Variants in PKHD1L1 observed in about 807,000 individuals in gnomAD.
PKHD1L1 encodes fibrocystin-L.
Under a neutral mutation model 462.9 loss-of-function variants are expected in PKHD1L1, and 434 were observed. The observed-to-expected ratio is 0.94, with a 90% CI of 0.87 to 1.02. The LOEUF is 1.02. Ranked by LOEUF, PKHD1L1 falls within the 50% of genes least tolerant of loss-of-function variation. The pLI is 0.00. For synonymous variants in PKHD1L1, 1,781 were observed against 1,750.0 expected (o/e 1.02, Z -0.44); for missense variants, 5,202 against 5,096.1 (o/e 1.02, Z -0.63).
In PKHD1L1 at chr8:109,531,539, T is replaced by C. The variant is rs543760367; in HGVS notation, c.*1449T>C. On this transcript the variant is annotated 3_prime_UTR_variant, in exon 78 of 78. Transcript: ENST00000378402. ...AGAAAGCATGAGGTTGCTAGCAATA[T>C]GGAGGCCTTAAGCCTTGTTCAGGAG... Among the ~76,000 whole-genome samples the C allele has an allele frequency of 2.0e-5, 3 of 151,832 alleles. No homozygotes were observed. The highest frequency in any genetic ancestry group is 4.4e-5 in the Non-Finnish European group (3 of 67,964).
intron 2 of PKHD1L1, among the ~76,000 whole-genome samples, chr8:109,380,090 G>A (rs1042275208): frequency 3.3e-5 from 5 of 152,096 alleles, no homozygotes; most frequent in Admixed American, 2.6e-4. Context: ...AATCTACAAT[G>A]GCTGATAGCA....
chr8:109,391,462 A>G (rs1480205223), intron 9 of PKHD1L1, among the ~76,000 whole-genome samples: 1 of 152,128 alleles, frequency 6.6e-6, no homozygotes, highest in Non-Finnish European at 1.5e-5. Context: ...GCATTTGCAA[A>G]TGTGTGAAGA....
Position 109,451,015 on chromosome 8 carries a change from T to C in PKHD1L1, c.6216T>C (p.Asn2072=). 6.2e-7 allele frequency: 1 copy of C among 1,613,444 alleles called. No homozygotes were observed. Among genetic ancestry groups the C allele is most frequent in the Non-Finnish European group, 8.5e-7 (1 of 1,179,508 alleles). The change falls in exon 41 of 78, where the codon AAT becomes AAC. Residue 2072 remains asparagine (N), a synonymous_variant. Coordinates refer to ENST00000378402, the MANE Select transcript of PKHD1L1 (RefSeq NM_177531.6). ...AEQACEVSVV[N]GKDLSQSMTP... Reference sequence around the variant, plus strand: ...AAGCCTGTGAAGTGAGTGTGGTTAATGGGAAAGATTTGTCACAGTCCATGA... The same window carrying C: ...AAGCCTGTGAAGTGAGTGTGGTTAACGGGAAAGATTTGTCACAGTCCATGA...
chr8:109,427,208 T>C, intron 25 of PKHD1L1, 52 bp downstream of exon 25: 2 of 1,374,584 alleles, frequency 1.5e-6, no homozygotes, highest in East Asian at 2.3e-5. Context: ...GTTTGCTTAT[T>C]TGGACCCTGC....
chr8:109,455,164 C>A (rs1816750104), intron 45 of PKHD1L1, among the ~76,000 whole-genome samples: 1 of 152,112 alleles, frequency 6.6e-6, no homozygotes, highest in African/African-American at 2.4e-5. Context: ...ATGGCAAAAC[C>A]CTGTCTCCAC....
chr8:109,447,824 T>C (rs1244702661), intron 38 of PKHD1L1, among the ~76,000 whole-genome samples: 1 of 152,216 alleles, frequency 6.6e-6, no homozygotes, highest in Non-Finnish European at 1.5e-5. Flanking sequence ...ACATTCATAC[T>C]TCCTAACTCT....
intron 2 of PKHD1L1, among the ~76,000 whole-genome samples, chr8:109,376,425 A>G (rs1056161486): frequency 6.6e-6 from 1 of 152,140 alleles, no homozygotes; most frequent in Non-Finnish European, 1.5e-5. Context: ...AGGAAAGGGA[A>G]TTCCCTGACC....
intron 67 of PKHD1L1, among the ~76,000 whole-genome samples, chr8:109,500,673 C>CAAAAAA (rs34827783): frequency 4.2e-5 from 2 of 47,190 alleles, no homozygotes; most frequent in African/African-American, 1.6e-4. Flanking sequence ...AACTCTGTCT[C>CAAAAAA]AAAAAAAAAA....
chr8:109,381,426 AGT>A lies in PKHD1L1; in HGVS notation c.224_225del (p.Val75AlafsTer12), dbSNP rs1028310361. The A allele has an allele frequency of 4.4e-6, 7 of 1,584,096 alleles. No homozygotes were observed. The highest frequency in any genetic ancestry group is 1.7e-4 in the Middle Eastern group (1 of 6,042). ...AGTTGATAACGCTGAGTTGGGAAAC[AGT>A]GTGCAATTAATTTCTTCTTTCCAGT... ...YGVDNAELGN[S>X]VQLISSFQSI... On this transcript the variant is annotated frameshift_variant, in exon 3 of 78. Coordinates refer to ENST00000378402, the MANE Select transcript of PKHD1L1 (RefSeq NM_177531.6). LOFTEE classifies it high-confidence loss of function.
intron 2 of PKHD1L1, among the ~76,000 whole-genome samples, chr8:109,377,476 C>T (rs899156190): frequency 2.0e-5 from 3 of 151,920 alleles, no homozygotes; most frequent in Non-Finnish European, 4.4e-5. Flanking sequence ...TTTGCTAGTG[C>T]AAAAGAAAAA....
At chr8:109,498,923 C>A in intron 67 of PKHD1L1, 152 bp downstream of exon 67, 1 of 685,748 alleles carries the variant, frequency 1.5e-6, no homozygotes. Context: ...ACATCAGAGT[C>A]AATTTTGAGA....
intron 67 of PKHD1L1, among the ~76,000 whole-genome samples, chr8:109,500,224 G>A (rs964546119): frequency 1.3e-5 from 2 of 152,000 alleles, no homozygotes; most frequent in African/African-American, 4.8e-5. Context: ...TTTAAGAAGA[G>A]GTTTGGTGGT....
intron 4 of PKHD1L1, among the ~76,000 whole-genome samples, chr8:109,383,137 ATTG>A (rs1812220576): frequency 2.3e-5 from 2 of 87,648 alleles, no homozygotes; most frequent in African/African-American, 4.7e-5. Flanking sequence ...TATATATATT[ATTG>A]TATATATTAT....
At position 109,507,639 on chromosome 8, in the gene PKHD1L1, G is replaced by A. The variant is rs781741349; in HGVS notation, c.10995-24G>A. 4 of 1,580,864 alleles carry A rather than the reference G, an allele frequency of 2.5e-6. No individual in the cohort carries two copies. The South Asian group carries it at 3.3e-5, about 13-fold the overall frequency. ...TATTGCTCTCTAGAAACAATGAACT[G>A]AATAATTCAACTTTTCTCCACAGTA... On this transcript the variant is annotated intron_variant, in intron 68 of 77. Transcript: ENST00000378402.
intron 22 of PKHD1L1, 70 bp downstream of exon 22, chr8:109,419,330 T>A (rs2130639981): frequency 8.4e-7 from 1 of 1,192,064 alleles, no homozygotes; most frequent in East Asian, 2.6e-5. Context: ...ATTATTTTTA[T>A]ATTCTGCAGT....
rs1813652510 is a variant in PKHD1L1, at chr8:109,408,078, G to A, written c.1843G>A (p.Val615Ile). Reference protein sequence around the residue: ...GDFDLLGYEVVEGNNVTLDIT... With the variant: ...GDFDLLGYEVIEGNNVTLDIT... ...CTTTGATCTGCTTGGTTATGAAGTAGTTGAAGGGAATAATGTCACACTGGA... is the reference window on the plus strand; with the variant it reads ...CTTTGATCTGCTTGGTTATGAAGTAATTGAAGGGAATAATGTCACACTGGA... The change falls in exon 18 of 78, where the codon GTT (valine) becomes ATT (isoleucine). Residue 615 changes from valine to isoleucine, a missense_variant. Transcript: ENST00000378402. 1.2e-6 allele frequency: 2 copies of A among 1,610,148 alleles called. No homozygotes were observed.
At chr8:109,477,586 A>G (rs1432189713) in intron 53 of PKHD1L1, among the ~76,000 whole-genome samples, 190 bp downstream of exon 53, 1 of 152,172 alleles carries the variant, frequency 6.6e-6, no homozygotes, top group Non-Finnish European at 1.5e-5. Context: ...TGTCTTAAAA[A>G]AATTATGTGT....
chr8:109,448,401 A>C lies in PKHD1L1; in HGVS notation c.6025+10A>C. ...ATTAATCCAAGCCAAGGTAGTCATA[A>C]GTATGCAAGAACCTGCAGATATTTT... On this transcript the variant is annotated intron_variant, in intron 39 of 77. Transcript: ENST00000378402. 6.3e-7 allele frequency: 1 copy of C among 1,598,262 alleles called. No homozygotes were observed. Among genetic ancestry groups the C allele is most frequent in the Non-Finnish European group, 8.5e-7 (1 of 1,171,002 alleles).
At chr8:109,470,204 A>T (rs1180121049) in intron 50 of PKHD1L1, 1 of 942,532 alleles carries the variant, frequency 1.1e-6, no homozygotes, top group East Asian at 2.4e-5. Context: ...CCTGCTTTTG[A>T]TACCAGTTAC....
Sources: gnomAD v4.1 joint callset for allele counts (sites outside exome capture counted in the v4.1 genomes callset) on GRCh38, gnomAD v4.1.1 for gene constraint, MANE v1.5 for transcripts, NCBI Gene and HGNC (gene_info 2026-07-23, HGNC 2026-07-21) for gene names.